Variants in TFDP2 observed in about 807,000 individuals in gnomAD.
TFDP2 encodes the protein transcription factor Dp-2, also known as transcription factor Dp-2 (E2F dimerization partner 2).
A neutral mutation model predicts 59.3 loss-of-function variants in TFDP2; 17 were observed. The observed-to-expected ratio is 0.29, with a 90% CI of 0.20 to 0.43. The LOEUF (loss-of-function observed/expected upper bound fraction) is 0.43. Among genes scored for constraint, TFDP2 ranks in the 20% least tolerant of loss-of-function variants. TFDP2 has a pLI of 1.00. For missense variants in TFDP2, 391 were observed against 528.8 expected (o/e 0.74, Z 2.56); for synonymous variants, 180 against 194.7 (o/e 0.92, Z 0.63).
intron 3 of TFDP2, among the ~76,000 whole-genome samples, chr3:142,078,936 T>C (rs747355282): frequency 2.6e-5 from 4 of 152,088 alleles, no homozygotes; most frequent in Non-Finnish European, 5.9e-5. Context: ...TTCTATCAGA[T>C]AAATTTAACA....
chr3:142,069,610 CTTTT>C (rs879529033), intron 3 of TFDP2, among the ~76,000 whole-genome samples: 1 of 143,536 alleles, frequency 7.0e-6, no homozygotes, highest in African/African-American at 2.5e-5. Context: ...TTTTCCTTTC[CTTTT>C]TTTTTTTTTG....
chr3:142,075,674 T>G (rs1318388919), intron 3 of TFDP2, among the ~76,000 whole-genome samples: 2 of 142,344 alleles, frequency 1.4e-5, no homozygotes, highest in Non-Finnish European at 3.0e-5. Flanking sequence ...GGCAGGAGGA[T>G]CTCTTGAGAC....
rs1330156694 is a variant in TFDP2, at chr3:141,949,529, A to G, written c.*2984T>C. ...GCCTAGTAGGCACCTGGGGCCCGTA[A>G]GCGCTGCTGTGTGCCTAGGCAGCAC... On this transcript the variant is annotated 3_prime_UTR_variant, in exon 13 of 13. Transcript: ENST00000489671. 1 of 152,364 alleles carries G rather than the reference A, an allele frequency of 6.6e-6. No individual in the cohort carries two copies. The highest frequency in any genetic ancestry group is 6.5e-5 in the Admixed American group (1 of 15,276). 9.4% of individuals were successfully genotyped at this position (152,364 alleles called of 1,614,324 possible).
intron 6 of TFDP2, among the ~76,000 whole-genome samples, chr3:141,988,862 C>T (rs1216335675): frequency 6.6e-6 from 1 of 151,908 alleles, no homozygotes; most frequent in African/African-American, 2.4e-5. Flanking sequence ...AGGGTTTCAC[C>T]ATGTGGGCCA....
chr3:142,098,101 C>T (rs1434431329), intron 2 of TFDP2, among the ~76,000 whole-genome samples: 2 of 152,116 alleles, frequency 1.3e-5, no homozygotes, highest in Non-Finnish European at 1.5e-5. Context: ...AATGTCTATA[C>T]ATTTTGATTG....
Position 141,949,672 on chromosome 3 carries a change from C to CT in TFDP2, c.*2840dup, listed in dbSNP as rs140581688. 1,294 of 152,480 alleles carry CT rather than the reference C, an allele frequency of 8.5e-3. 8 individuals carry two copies. Among genetic ancestry groups the CT allele is most frequent in the Non-Finnish European group, 0.014 (946 of 68,176 alleles). The allele number at this position is 152,480 out of a possible 1,614,324, so 9.4% of individuals were successfully genotyped here. On this transcript the variant is annotated 3_prime_UTR_variant, in exon 13 of 13. Coordinates refer to ENST00000489671, the MANE Select transcript of TFDP2 (RefSeq NM_001178139.2). The stretch of plus-strand genomic sequence containing the variant: ...CGCCTGAAAGGGGGACAGCCACACC[C>CT]TCAAGGGGAAAAGGCCTCTTGAACT...
rs114319885 is a variant in TFDP2, at chr3:142,075,482, A to G, written c.82+17579T>C. Reference sequence around the variant, plus strand: ...TGCGAAAGTTTAGTATCCTGCGTAGAGCACACTAGTGCCTGTCCTCTGACT... The same window carrying G: ...TGCGAAAGTTTAGTATCCTGCGTAGGGCACACTAGTGCCTGTCCTCTGACT... On this transcript the variant is annotated intron_variant, in intron 3 of 12. Transcript: ENST00000489671. Among the ~76,000 whole-genome samples, 879 of 152,314 alleles carry G rather than the reference A, an allele frequency of 5.8e-3. 8 individuals are homozygous for G. Among genetic ancestry groups the G allele is most frequent in the African/African-American group, 0.02 (819 of 41,560 alleles).
chr3:141,966,102 T>G (rs557208637), intron 9 of TFDP2, among the ~76,000 whole-genome samples: 2 of 152,102 alleles, frequency 1.3e-5, no homozygotes, highest in African/African-American at 4.8e-5. Context: ...TTTAATGCTG[T>G]GTACATTTAA....
rs540565850 is a variant in TFDP2 at position 142,120,682 on chromosome 3, T to C, written c.-92-18841A>G. On this transcript the variant is annotated intron_variant, in intron 1 of 12. Coordinates refer to ENST00000489671, the MANE Select transcript of TFDP2 (RefSeq NM_001178139.2). Reference sequence around the variant, plus strand: ...GCTTTTTCCTAAGATATTTTACTAATAAGATGTAAAGAGAACTGAGGTGGA... The same window carrying C: ...GCTTTTTCCTAAGATATTTTACTAACAAGATGTAAAGAGAACTGAGGTGGA... Among the ~76,000 whole-genome samples, 10 of 152,268 alleles carry C rather than the reference T, an allele frequency of 6.6e-5. No homozygotes were observed. In the South Asian group the frequency reaches 2.1e-3, roughly 32 times the overall value.
At chr3:142,114,312 A>G (rs1476370711) in intron 1 of TFDP2, among the ~76,000 whole-genome samples, 4 of 152,228 alleles carry the variant, frequency 2.6e-5, no homozygotes, top group Non-Finnish European at 5.9e-5. Flanking sequence ...TATCATAAAA[A>G]GACATGTCCT....
intron 3 of TFDP2, among the ~76,000 whole-genome samples, chr3:142,051,634 GACACGT>G (rs1332231732): frequency 6.6e-6 from 1 of 151,978 alleles, no homozygotes; most frequent in African/African-American, 2.4e-5. Flanking sequence ...ATGAAGATAA[GACACGT>G]ACATCAATGG....
At chr3:142,087,217 G>A (rs1260809452) in intron 3 of TFDP2, among the ~76,000 whole-genome samples, 1 of 152,124 alleles carries the variant, frequency 6.6e-6, no homozygotes, top group African/African-American at 2.4e-5. Flanking sequence ...CTGGCAATGG[G>A]GATAAGTTCT....
At chr3:142,042,971 A>G (rs1947086405) in intron 3 of TFDP2, among the ~76,000 whole-genome samples, 1 of 149,046 alleles carries the variant, frequency 6.7e-6, no homozygotes, top group African/African-American at 2.5e-5. Context: ...CGAACTCCCG[A>G]CCTCAGGTGA....
In TFDP2 at chr3:142,050,416, C is replaced by T. The variant is rs1160215567; in HGVS notation, c.82+42645G>A. Among the ~76,000 whole-genome samples, 5 of 152,190 alleles carry T rather than the reference C, an allele frequency of 3.3e-5. No individual in the cohort carries two copies. The East Asian group carries it at 5.8e-4, about 18-fold the overall frequency. ...TAGCCTTTCTATATGCTCCCAGTGG[C>T]GGGACACGGTGGCTCACGCCTGTAA... On this transcript the variant is annotated intron_variant, in intron 3 of 12. Coordinates refer to ENST00000489671, the MANE Select transcript of TFDP2 (RefSeq NM_001178139.2).
chr3:142,076,835 A>T (rs2060475039), intron 3 of TFDP2, among the ~76,000 whole-genome samples: 1 of 152,150 alleles, frequency 6.6e-6, no homozygotes, highest in African/African-American at 2.4e-5. Flanking sequence ...ATTTACAGGA[A>T]CACCAAATTT....
At position 141,969,091 on chromosome 3, in the gene TFDP2, C is replaced by T. The variant is rs563715745; in HGVS notation, c.732+982G>A. Among the ~76,000 whole-genome samples, 25 of 43,240 alleles carry T rather than the reference C, an allele frequency of 5.8e-4. 3 individuals carry two copies. Among genetic ancestry groups the T allele is most frequent in the African/African-American group, 2.7e-3 (16 of 5,974 alleles). The allele number at this position is 43,240 out of a possible 152,430, so 28.4% of individuals were successfully genotyped here. ...ATATATATGAGATATATATATATAA[C>T]ATATATATATATCTCATATATATGA... is the stretch of plus-strand genomic sequence containing the variant. On this transcript the variant is annotated intron_variant, in intron 9 of 12. Transcript: ENST00000489671.
Position 141,973,119 on chromosome 3 carries a change from ATATATTTT to A in TFDP2, c.663+921_663+928del, listed in dbSNP as rs1223417891. Among the ~76,000 whole-genome samples the A allele has an allele frequency of 4.8e-3, 360 of 74,876 alleles. 3 individuals are homozygous for A. Among genetic ancestry groups the A allele is most frequent in the South Asian group, 0.034 (82 of 2,424 alleles). 49.1% of individuals were successfully genotyped at this position (74,876 alleles called of 152,430 possible). On this transcript the variant is annotated intron_variant, in intron 8 of 12. Coordinates refer to ENST00000489671, the MANE Select transcript of TFDP2 (RefSeq NM_001178139.2). The stretch of plus-strand genomic sequence containing the variant: ...TATATATATATATATATATATATAT[ATATATTTT>A]TTTTTTTTAAAGATGGAGTCTTGCT...
chr3:142,020,334 G>A (rs1475937595), intron 3 of TFDP2, among the ~76,000 whole-genome samples: 3 of 152,114 alleles, frequency 2.0e-5, no homozygotes, highest in Non-Finnish European at 4.4e-5. Flanking sequence ...AGGAGTTCAA[G>A]ACTAGCCTGA....
intron 11 of TFDP2, among the ~76,000 whole-genome samples, chr3:141,957,889 A>C (rs913789003): frequency 6.6e-6 from 1 of 152,174 alleles, no homozygotes; most frequent in Non-Finnish European, 1.5e-5. Flanking sequence ...TTCTGGAATC[A>C]GATAGTGGTG....
Sources: gnomAD v4.1 joint callset for allele counts (sites outside exome capture counted in the v4.1 genomes callset) on GRCh38, gnomAD v4.1.1 for gene constraint, MANE v1.5 for transcripts, NCBI Gene and HGNC (gene_info 2026-07-23, HGNC 2026-07-21) for gene names.